The following DNAJC12 variants were observed in gnomAD, a reference collection of about 807,000 sequenced individuals.
DNAJC12 encodes the protein dnaJ homolog subfamily C member 12.
A neutral mutation model predicts 28.5 loss-of-function variants in DNAJC12; 25 were observed. The ratio of observed to expected loss-of-function variants is 0.88; its 90% confidence interval spans 0.64 to 1.22. DNAJC12 has a LOEUF of 1.22. Among genes scored for constraint, DNAJC12 ranks in the 50% most tolerant of loss-of-function variants. The pLI is 0.00. For missense variants in DNAJC12, 222 were observed against 231.7 expected, an observed-to-expected ratio of 0.96 and a Z score of 0.27; for synonymous variants, 77 against 80.6, an observed-to-expected ratio of 0.95 and a Z score of 0.24.
At chr10:67,799,633 C>G (rs1186504048) in intron 4 of DNAJC12, among the ~76,000 whole-genome samples, 1 of 152,112 alleles carries the variant, frequency 6.6e-6, no homozygotes, top group Non-Finnish European at 1.5e-5. Flanking sequence ...GCCTGTGATC[C>G]CAGCACGTTG....
rs1384858450 is a variant in DNAJC12 at position 67,826,761 on chromosome 10, G to T, written c.79-3369C>A. ...ATATAATATATATCATTATATATCT[G>T]ATATCTAATGATATATAATATATAT... is the stretch of plus-strand genomic sequence containing the variant. On this transcript the variant is annotated intron_variant, in intron 1 of 4. Transcript: ENST00000225171. Among the ~76,000 whole-genome samples, 7 of 83,698 alleles carry T rather than the reference G, an allele frequency of 8.4e-5. 1 individual carries two copies. Among genetic ancestry groups the T allele is most frequent in the African/African-American group, 1.2e-4 (3 of 24,736 alleles). 54.9% of individuals were successfully genotyped at this position (83,698 alleles called of 152,430 possible). A position where few individuals can be genotyped will look rare whatever the true frequency, so the allele number is the denominator to read the frequency against.
At chr10:67,804,693 T>C (rs750469062) in intron 4 of DNAJC12, among the ~76,000 whole-genome samples, 1 of 152,206 alleles carries the variant, frequency 6.6e-6, no homozygotes, top group Non-Finnish European at 1.5e-5. Context: ...TCTGCTTCAG[T>C]GGATTTATAA....
chr10:67,816,539 CTTTCTTTTT>C (rs1564862029), intron 2 of DNAJC12, among the ~76,000 whole-genome samples: 25 of 131,378 alleles, frequency 1.9e-4, no homozygotes, highest in Non-Finnish European at 2.9e-4. Context: ...CTGAAGTTTA[CTTTCTTTTT>C]TTTTTTTTTT....
intron 2 of DNAJC12, among the ~76,000 whole-genome samples, chr10:67,822,474 T>C (rs1299379577): frequency 6.6e-6 from 1 of 151,884 alleles, no homozygotes; most frequent in Non-Finnish European, 1.5e-5. Context: ...AATAGAGACA[T>C]CAACTGTGGA....
intron 1 of DNAJC12, among the ~76,000 whole-genome samples, chr10:67,834,937 G>T (rs1345563655): frequency 6.6e-6 from 1 of 152,096 alleles, no homozygotes; most frequent in Non-Finnish European, 1.5e-5. Flanking sequence ...ATATAACATG[G>T]AAATCCTCCC....
At chr10:67,819,732 AAGG>A (rs1564863378) in intron 2 of DNAJC12, among the ~76,000 whole-genome samples, 19 of 20,712 alleles carry the variant, frequency 9.2e-4, no homozygotes, top group African/African-American at 3.7e-3. Context: ...GGAAGGAAGG[AAGG>A]AAGGAAGGAA....
intron 2 of DNAJC12, among the ~76,000 whole-genome samples, chr10:67,812,095 GAAGACTATA>G (rs1200287164): frequency 2.0e-5 from 3 of 151,750 alleles, no homozygotes; most frequent in African/African-American, 7.3e-5. Context: ...CTATAAAACT[GAAGACTATA>G]AAGACTATAA....
intron 2 of DNAJC12, among the ~76,000 whole-genome samples, chr10:67,820,833 G>C (rs1841974689): frequency 7.9e-6 from 1 of 126,798 alleles, no homozygotes; most frequent in Non-Finnish European, 1.6e-5. Context: ...GCCCAGGCTA[G>C]AGTGCAATGG....
chr10:67,831,342 T>A (rs1842091845), intron 1 of DNAJC12, among the ~76,000 whole-genome samples: 1 of 152,248 alleles, frequency 6.6e-6, no homozygotes, highest in Non-Finnish European at 1.5e-5. Flanking sequence ...GTGCTTTCTT[T>A]GTATTCCACA....
In DNAJC12 at chr10:67,819,768, A is replaced by G. The variant is rs1447770987; in HGVS notation, c.157+3546T>C. On this transcript the variant is annotated intron_variant, in intron 2 of 4. Transcript: ENST00000225171. ...GAAGGAAGGAAGGAAGGAAGGAAGG[A>G]AGGAAGGAAGGGGAAGGAAGGAAGG... 7.4e-3 allele frequency among the ~76,000 whole-genome samples: 152 copies of G among 20,524 alleles called. 12 individuals carry two copies. In the East Asian group the frequency reaches 0.078, roughly 10 times the overall value. The allele number at this position is 20,524 out of a possible 152,430, so 13.5% of individuals were successfully genotyped here. A position where few individuals can be genotyped will look rare whatever the true frequency, so the allele number is the denominator to read the frequency against.
chr10:67,799,553 A>AT (rs138402436), intron 4 of DNAJC12, among the ~76,000 whole-genome samples: 3,681 of 152,274 alleles, frequency 0.024, 157 homozygotes, highest in African/African-American at 0.084. Context: ...ATTTTCTCAC[A>AT]TTTTATATAG....
intron 1 of DNAJC12, among the ~76,000 whole-genome samples, chr10:67,832,094 C>T (rs2131816083): frequency 6.6e-6 from 1 of 152,064 alleles, no homozygotes; most frequent in African/African-American, 2.4e-5. Flanking sequence ...GGTGAAACCC[C>T]ATCTCTACTA....
intron 1 of DNAJC12, among the ~76,000 whole-genome samples, chr10:67,828,691 C>T (rs971119980): frequency 7.4e-6 from 1 of 136,022 alleles, no homozygotes; most frequent in Non-Finnish European, 1.6e-5. Flanking sequence ...TATATATATA[C>T]ACACATATAT....
At chr10:67,814,308 T>A (rs1278561653) in intron 2 of DNAJC12, among the ~76,000 whole-genome samples, 3 of 151,954 alleles carry the variant, frequency 2.0e-5, no homozygotes, top group Non-Finnish European at 4.4e-5. Context: ...AATATCAATA[T>A]ATAAAAAGCA....
chr10:67,807,068 TG>T (rs896414088), intron 3 of DNAJC12, among the ~76,000 whole-genome samples: 1 of 152,032 alleles, frequency 6.6e-6, no homozygotes, highest in Non-Finnish European at 1.5e-5. Context: ...CAAACCAGCC[TG>T]GCCAACATGG....
chr10:67,812,530 T>A (rs1010942513), intron 2 of DNAJC12, among the ~76,000 whole-genome samples: 1 of 152,078 alleles, frequency 6.6e-6, no homozygotes, highest in African/African-American at 2.4e-5. Context: ...AGTAAAAACT[T>A]TCTGCAGAGC....
At chr10:67,819,890 G>A (rs1464338396) in intron 2 of DNAJC12, among the ~76,000 whole-genome samples, 3 of 152,012 alleles carry the variant, frequency 2.0e-5, no homozygotes, top group Non-Finnish European at 4.4e-5. Flanking sequence ...CATGCTAGGG[G>A]CATACGACTG....
At chr10:67,808,526 C>T (rs1367535774) in intron 3 of DNAJC12, 1 of 151,978 alleles carries the variant, frequency 6.6e-6, no homozygotes, top group Non-Finnish European at 1.5e-5. Context: ...AGCACATATA[C>T]CAAAATTGGA....
At chr10:67,809,029 C>T (rs528666155) in intron 3 of DNAJC12, among the ~76,000 whole-genome samples, 12 of 152,302 alleles carry the variant, frequency 7.9e-5, no homozygotes, top group Middle Eastern at 3.4e-3. Context: ...TAGGTCCACA[C>T]GAGGCTGACC....
Sources: allele counts gnomAD v4.1 joint callset (sites outside exome capture counted in the v4.1 genomes callset), GRCh38; gene constraint gnomAD v4.1.1; transcripts MANE v1.5; gene names NCBI Gene and HGNC (gene_info 2026-07-23, HGNC 2026-07-21).